The following RNMT variants were observed in gnomAD, a reference collection of about 807,000 sequenced individuals.
RNMT encodes RNA guanine-7 methyltransferase.
In RNMT, 27 loss-of-function variants were observed where a neutral mutation model predicts 56.0. The ratio of observed to expected loss-of-function variants is 0.48; its 90% CI spans 0.36 to 0.67. The LOEUF (loss-of-function observed/expected upper bound fraction) is 0.67. Among genes scored for constraint, RNMT ranks in the 30% least tolerant of loss-of-function variants. The pLI, the probability that RNMT is intolerant of heterozygous loss-of-function variation, is 0.00. For missense variants in RNMT, 519 were observed against 552.1 expected, an observed-to-expected ratio of 0.94 and a Z score of 0.60; for synonymous variants, 184 against 176.2, an observed-to-expected ratio of 1.04 and a Z score of -0.35.
At chr18:13,744,107 G>A (rs963791550) in intron 8 of RNMT, among the ~76,000 whole-genome samples, 2 of 128,418 alleles carry the variant, frequency 1.6e-5, no homozygotes, top group African/African-American at 3.0e-5. Flanking sequence ...TAATCAAAAA[G>A]ATAATAAAAC....
At chr18:13,756,551 T>C (rs2044546791) in intron 11 of RNMT, among the ~76,000 whole-genome samples, 1 of 152,190 alleles carries the variant, frequency 6.6e-6, no homozygotes, top group African/African-American at 2.4e-5. Flanking sequence ...TGCTGGGGAC[T>C]GCTTTGTCTC....
At chr18:13,744,922 G>A (rs1182804906) in intron 8 of RNMT, among the ~76,000 whole-genome samples, 2 of 152,124 alleles carry the variant, frequency 1.3e-5, no homozygotes, top group Admixed American at 1.3e-4. Context: ...AGAGTCTAAC[G>A]GAGAGACCTA....
intron 5 of RNMT, among the ~76,000 whole-genome samples, chr18:13,738,391 A>G (rs147677091): frequency 6.6e-6 from 1 of 152,344 alleles, no homozygotes; most frequent in East Asian, 1.9e-4. Context: ...TGCATCCAAT[A>G]TGTTGTGATT....
At chr18:13,755,869 T>C (rs574994167) in intron 11 of RNMT, among the ~76,000 whole-genome samples, 2 of 151,978 alleles carry the variant, frequency 1.3e-5, no homozygotes, top group East Asian at 3.9e-4. Flanking sequence ...ATTTTTATAT[T>C]ATTAAGTGTG....
At chr18:13,741,471 A>C in intron 6 of RNMT, 39 bp from the exon 7 acceptor site, 7 of 1,447,738 alleles carry the variant, frequency 4.8e-6, no homozygotes, top group Non-Finnish European at 6.7e-6. Flanking sequence ...TCTTTGTTGT[A>C]GTTACCTCAC....
intron 5 of RNMT, 140 bp downstream of exon 5, chr18:13,737,275 G>C (rs1183682405): frequency 1.4e-6 from 1 of 738,498 alleles, no homozygotes; most frequent in African/African-American, 1.8e-5. Flanking sequence ...TGACGCGGTG[G>C]CTCATGCCTG....
Position 13,753,773 on chromosome 18 carries a change from A to G in RNMT, c.1360-341A>G, listed in dbSNP as rs1040301656. 1.5e-4 allele frequency among the ~76,000 whole-genome samples: 16 copies of G among 106,292 alleles called. No individual in the cohort carries two copies. In the South Asian group the frequency reaches 5.5e-3, roughly 36 times the overall value. 69.7% of individuals were successfully genotyped at this position (106,292 alleles called of 152,430 possible). A position where few individuals can be genotyped will look rare whatever the true frequency, so the allele number is the denominator to read the frequency against. On this transcript the variant is annotated intron_variant, in intron 10 of 11. Transcript: ENST00000383314. ...GCGACAGAGCAAGGCTCTGTCTCAA[A>G]AAAAGAAAAAAAAAATAATACAAGA...
At chr18:13,754,022 C>T (rs1184990571) in intron 10 of RNMT, 92 bp from the exon 11 acceptor site, 2 of 689,136 alleles carry the variant, frequency 2.9e-6, no homozygotes, top group Admixed American at 2.3e-5. Context: ...AAGTTAGGGT[C>T]TTTTGGCCAT....
At position 13,763,056 on chromosome 18, in the gene RNMT, A is replaced by C. The variant is rs1029879317; in HGVS notation, c.*3077A>C. The C allele has an allele frequency of 6.6e-5, 30 of 456,016 alleles. 1 individual carries two copies. Among genetic ancestry groups the C allele is most frequent in the Admixed American group, 6.6e-4 (28 of 42,576 alleles). 28.2% of individuals were successfully genotyped at this position (456,016 alleles called of 1,614,324 possible). On this transcript the variant is annotated 3_prime_UTR_variant, in exon 12 of 12. Coordinates refer to ENST00000383314, the MANE Select transcript of RNMT (RefSeq NM_003799.3). ...GGTCTGCAAAATAGAGGCCAAATCC[A>C]GGGACCAGGCCCTAATAATAGAAGT...
intron 11 of RNMT, 77 bp from the exon 12 acceptor site, chr18:13,759,865 C>G: frequency 7.5e-7 from 1 of 1,337,694 alleles, no homozygotes; most frequent in Admixed American, 1.8e-5. Context: ...GAATTTTCAC[C>G]AAATTATGAA....
intron 8 of RNMT, among the ~76,000 whole-genome samples, chr18:13,744,734 AC>A (rs2044324851): frequency 1.3e-5 from 2 of 152,030 alleles, no homozygotes; most frequent in African/African-American, 4.8e-5. Context: ...GTTTGCCCTT[AC>A]CCTATCCCCT....
chr18:13,757,554 G>T (rs68006216), intron 11 of RNMT, among the ~76,000 whole-genome samples: 49,311 of 152,028 alleles, frequency 0.32, 9,871 homozygotes, highest in East Asian at 0.83. Flanking sequence ...ATTTGTTCAA[G>T]TTTGATCATG....
chr18:13,749,027 G>A (rs1344216075), intron 9 of RNMT, among the ~76,000 whole-genome samples: 1 of 152,092 alleles, frequency 6.6e-6, no homozygotes, highest in South Asian at 2.1e-4. Context: ...TGCAGTGAGC[G>A]AAGATCACGC....
chr18:13,760,896 G>C lies in RNMT; in HGVS notation c.*917G>C. The C allele has an allele frequency of 1.0e-6, 1 of 985,432 alleles. No homozygotes were observed. The highest frequency in any genetic ancestry group is 1.2e-6 in the Non-Finnish European group (1 of 829,932). 61.0% of individuals were successfully genotyped at this position (985,432 alleles called of 1,614,324 possible). A position where few individuals can be genotyped will look rare whatever the true frequency, so the allele number is the denominator to read the frequency against. On this transcript the variant is annotated 3_prime_UTR_variant, in exon 12 of 12. Transcript: ENST00000383314. ...TACAACCTCAGCACTTTGCACCGTA[G>C]GAGCCATTGTTAAAGTTGTCACTTG...
At chr18:13,744,159 C>CTTTTTTTTTTTTTT (rs201093998) in intron 8 of RNMT, among the ~76,000 whole-genome samples, 1,200 of 91,216 alleles carry the variant, frequency 0.013, 210 homozygotes, top group Non-Finnish European at 0.016. Context: ...TAGCGGTCTT[C>CTTTTTTTTTTTTTT]TTTTTTTTTT....
intron 4 of RNMT, 95 bp from the exon 5 acceptor site, chr18:13,736,915 T>C (rs1052345687): frequency 1.4e-5 from 15 of 1,083,092 alleles, no homozygotes; most frequent in African/African-American, 7.9e-5. Context: ...ATGTTACATA[T>C]TGGGCAAAAG....
At position 13,762,647 on chromosome 18, in the gene RNMT, C is replaced by T. The variant is rs1392416639; in HGVS notation, c.*2668C>T. 5.1e-6 allele frequency: 1 copy of T among 197,698 alleles called. No individual in the cohort carries two copies. Among genetic ancestry groups the T allele is most frequent in the Admixed American group, 5.3e-5 (1 of 18,902 alleles). 12.2% of individuals were successfully genotyped at this position (197,698 alleles called of 1,614,324 possible). ...ACACTTGGAAATTGAGGGAGCATGACCGCTCTCTGACTTCACATGTTAATA... is the reference window on the plus strand; with the variant it reads ...ACACTTGGAAATTGAGGGAGCATGATCGCTCTCTGACTTCACATGTTAATA... On this transcript the variant is annotated 3_prime_UTR_variant, in exon 12 of 12. Coordinates refer to ENST00000383314, the MANE Select transcript of RNMT (RefSeq NM_003799.3).
chr18:13,738,876 C>CT (rs2044208190), intron 5 of RNMT, among the ~76,000 whole-genome samples: 1 of 152,196 alleles, frequency 6.6e-6, no homozygotes, highest in Admixed American at 6.5e-5. Flanking sequence ...TCATGGAAGA[C>CT]TGTTTTTCCA....
intron 10 of RNMT, among the ~76,000 whole-genome samples, chr18:13,753,209 C>T (rs1175001577): frequency 1.3e-5 from 2 of 152,350 alleles, no homozygotes; most frequent in South Asian, 2.1e-4. Flanking sequence ...TGGCTCACGC[C>T]TGTAATCCCA....
Sources: allele counts gnomAD v4.1 joint callset (sites outside exome capture counted in the v4.1 genomes callset), GRCh38; gene constraint gnomAD v4.1.1; transcripts MANE v1.5; gene names NCBI Gene and HGNC (gene_info 2026-07-23, HGNC 2026-07-21).